MAD1L1: variants seen among roughly 807,000 people sequenced by gnomAD.
The protein encoded by MAD1L1 is mitotic arrest deficient 1 like 1.
In MAD1L1, 95 loss-of-function variants were observed where a neutral mutation model predicts 96.9. The ratio of observed to expected loss-of-function variants is 0.98; its 90% CI spans 0.83 to 1.16. MAD1L1 has a LOEUF of 1.16. MAD1L1 is among the 50% of genes most tolerant of loss of function. The pLI is 0.00. For missense variants in MAD1L1, 1,007 were observed against 954.4 expected (o/e 1.06, Z -0.73); for synonymous variants, 473 against 396.6 (o/e 1.19, Z -2.29).
chr7:1,909,906 G>A (rs1003441676), intron 17 of MAD1L1, among the ~76,000 whole-genome samples: 9 of 152,168 alleles, frequency 5.9e-5, no homozygotes, highest in African/African-American at 1.7e-4. Flanking sequence ...AATTACACAC[G>A]GAGGAGCCGC....
chr7:2,132,859 T>C (rs1056959141), intron 11 of MAD1L1, among the ~76,000 whole-genome samples: 2 of 152,154 alleles, frequency 1.3e-5, no homozygotes, highest in African/African-American at 4.8e-5. Flanking sequence ...ATCCCCACGA[T>C]TGGAAGCAGG....
chr7:1,870,953 C>G (rs541714653), intron 18 of MAD1L1, among the ~76,000 whole-genome samples: 2 of 147,124 alleles, frequency 1.4e-5, no homozygotes, highest in African/African-American at 5.1e-5. Flanking sequence ...CTGAACCCAC[C>G]GTAACACCTG....
chr7:2,046,733 C>T (rs919941628), intron 12 of MAD1L1, among the ~76,000 whole-genome samples: 3 of 152,202 alleles, frequency 2.0e-5, no homozygotes, highest in African/African-American at 7.2e-5. Flanking sequence ...CACATTCAAC[C>T]AAGGGTGGGA....
At chr7:2,018,476 C>T (rs143239027) in intron 12 of MAD1L1, among the ~76,000 whole-genome samples, 1,965 of 152,296 alleles carry the variant, frequency 0.013, 32 homozygotes, top group African/African-American at 0.044. Flanking sequence ...GTGGGGCAGG[C>T]GCGTCCCGCA....
chr7:1,838,522 T>C (rs1783055041), intron 18 of MAD1L1: 1 of 332,576 alleles, frequency 3.0e-6, no homozygotes, highest in South Asian at 2.5e-5. Flanking sequence ...CGTCAGCACG[T>C]GGTCCAATGT....
chr7:2,164,865 C>CAGGTG lies in MAD1L1; in HGVS notation c.987-15632_987-15628dup, dbSNP rs760605151. ...GGAGGCCGACCATGACAAGAGTGGG[C>CAGGTG]AGGTGACATCCCCAAGGCCCAGAGG... is the stretch of plus-strand genomic sequence containing the variant. On this transcript the variant is annotated intron_variant, in intron 10 of 18. Transcript: ENST00000265854. Among the ~76,000 whole-genome samples the CAGGTG allele has an allele frequency of 3.9e-4, 59 of 152,092 alleles. 1 individual carries two copies. Among genetic ancestry groups the CAGGTG allele is most frequent in the Non-Finnish European group, 6.8e-4 (46 of 68,028 alleles).
chr7:1,875,885 G>A (rs1042177039), intron 18 of MAD1L1, among the ~76,000 whole-genome samples: 3 of 152,216 alleles, frequency 2.0e-5, no homozygotes, highest in African/African-American at 7.2e-5. Context: ...TCATAAGGGT[G>A]GGTCCTGATC....
intron 18 of MAD1L1, among the ~76,000 whole-genome samples, chr7:1,860,973 G>A (rs946522752): frequency 6.6e-6 from 1 of 152,200 alleles, no homozygotes; most frequent in African/African-American, 2.4e-5. Context: ...TCTATAGGTG[G>A]TTGTACCAGC....
At chr7:2,036,636 T>C (rs1783448857) in intron 12 of MAD1L1, among the ~76,000 whole-genome samples, 1 of 152,168 alleles carries the variant, frequency 6.6e-6, no homozygotes, top group Non-Finnish European at 1.5e-5. Context: ...GAATCCACTG[T>C]GGGCCCTCTT....
rs28602921 is a variant in MAD1L1 at position 1,951,341 on chromosome 7, G to T, written c.1596+6288C>A. 3.7e-3 allele frequency among the ~76,000 whole-genome samples: 571 copies of T among 152,358 alleles called. 3 individuals are homozygous for T. The highest frequency in any genetic ancestry group is 0.013 in the African/African-American group (532 of 41,590). On this transcript the variant is annotated intron_variant, in intron 16 of 18. Coordinates refer to ENST00000265854, the MANE Select transcript of MAD1L1 (RefSeq NM_001013836.2). ...AAGGACAGAGGCCGTGTGAGGGCAG[G>T]GTTGGAGTAGTCACCTCAAGCGCCC...
At chr7:1,994,126 G>T (rs1433594506) in intron 14 of MAD1L1, among the ~76,000 whole-genome samples, 1 of 152,248 alleles carries the variant, frequency 6.6e-6, no homozygotes, top group Non-Finnish European at 1.5e-5. Flanking sequence ...TTGTGGGTTT[G>T]CTGCCAGGAT....
chr7:2,086,715 C>A (rs906073809), intron 11 of MAD1L1, among the ~76,000 whole-genome samples: 2 of 152,188 alleles, frequency 1.3e-5, no homozygotes, highest in African/African-American at 4.8e-5. Flanking sequence ...CCACACCCAG[C>A]TAATTTTTTT....
intron 12 of MAD1L1, 55 bp from the exon 13 acceptor site, chr7:2,014,697 TG>T: frequency 6.5e-7 from 1 of 1,542,132 alleles, no homozygotes. Flanking sequence ...GAGGTAATGA[TG>T]GAGACGGCTC....
intron 10 of MAD1L1, among the ~76,000 whole-genome samples, chr7:2,199,803 C>T (rs1041097961): frequency 6.6e-6 from 1 of 152,222 alleles, no homozygotes; most frequent in Non-Finnish European, 1.5e-5. Flanking sequence ...GGTAAGGCCA[C>T]AACCCAACCC....
intron 12 of MAD1L1, among the ~76,000 whole-genome samples, chr7:2,038,670 G>A (rs1433442774): frequency 6.6e-6 from 1 of 151,686 alleles, no homozygotes; most frequent in East Asian, 1.9e-4. Context: ...GTGCCACCAC[G>A]CCTCACTAAT....
intron 12 of MAD1L1, among the ~76,000 whole-genome samples, chr7:2,050,553 G>C (rs1360089694): frequency 6.6e-6 from 1 of 152,174 alleles, no homozygotes; most frequent in Admixed American, 6.5e-5. Context: ...CACCGGCCTG[G>C]AGAAAGTCCA....
In MAD1L1 at chr7:1,828,039, C is replaced by T. The variant is rs7780587; in HGVS notation, c.1999-11811G>A. On this transcript the variant is annotated intron_variant, in intron 18 of 18. Transcript: ENST00000265854. The stretch of plus-strand genomic sequence containing the variant: ...CCCGCCCTCCTGTGAGGCTGCCCCT[C>T]TTATGTGCTGTGGGCCCCGGGGCCC... Among the ~76,000 whole-genome samples the T allele has an allele frequency of 3.6e-3, 542 of 152,102 alleles. 2 individuals are homozygous for T. Among genetic ancestry groups the T allele is most frequent in the African/African-American group, 0.012 (497 of 41,540 alleles).
At chr7:2,060,357 T>TGATGCCAAGATACACC (rs1784599916) in intron 12 of MAD1L1, among the ~76,000 whole-genome samples, 1 of 141,018 alleles carries the variant, frequency 7.1e-6, no homozygotes, top group Non-Finnish European at 1.5e-5. Flanking sequence ...CGAGATATGC[T>TGATGCCAAGATACACC]GATGCCAAGA....
At chr7:1,950,996 G>C (rs949189546) in intron 16 of MAD1L1, among the ~76,000 whole-genome samples, 1 of 152,252 alleles carries the variant, frequency 6.6e-6, no homozygotes, top group African/African-American at 2.4e-5. Flanking sequence ...GGGAGGAGGA[G>C]GCGGGGGACC....
Sources: allele counts gnomAD v4.1 joint callset (sites outside exome capture counted in the v4.1 genomes callset), GRCh38; gene constraint gnomAD v4.1.1; transcripts MANE v1.5; gene names NCBI Gene and HGNC (gene_info 2026-07-23, HGNC 2026-07-21).